The following NCMAP variants were observed in gnomAD, a reference collection of about 807,000 sequenced individuals.
NCMAP encodes noncompact myelin-associated protein.
Under a neutral mutation model 7.8 loss-of-function variants are expected in NCMAP, and 8 were observed. That is an observed-to-expected ratio of 1.02 (90% CI 0.60 to 1.84). The LOEUF (loss-of-function observed/expected upper bound fraction) is 1.84. NCMAP is among the 40% of genes most tolerant of loss of function. NCMAP has a pLI of 0.00. For missense variants in NCMAP, 112 were observed against 131.4 expected, an observed-to-expected ratio of 0.85 and a Z score of 0.72; for synonymous variants, 41 against 52.9, an observed-to-expected ratio of 0.78 and a Z score of 0.98.
At chr1:24,572,877 C>T (rs2148928254) in intron 1 of NCMAP, among the ~76,000 whole-genome samples, 1 of 150,898 alleles carries the variant, frequency 6.6e-6, no homozygotes, top group South Asian at 2.1e-4. Context: ...CCCAATCCTG[C>T]CCCAGTAGCT....
intron 1 of NCMAP, among the ~76,000 whole-genome samples, chr1:24,577,410 T>TG (rs763604635): frequency 0.047 from 6,627 of 140,384 alleles, 222 homozygotes; most frequent in East Asian, 0.14. Flanking sequence ...TGTTTTTTTT[T>TG]TTTTTTTTTT....
intron 2 of NCMAP, among the ~76,000 whole-genome samples, chr1:24,598,729 C>T (rs1386553631): frequency 6.6e-6 from 1 of 151,598 alleles, no homozygotes; most frequent in Non-Finnish European, 1.5e-5. Context: ...CCTCCACTTC[C>T]CGGGCTCAAG....
intron 1 of NCMAP, among the ~76,000 whole-genome samples, chr1:24,582,196 C>T (rs183070427): frequency 9.2e-5 from 14 of 152,286 alleles, no homozygotes; most frequent in Middle Eastern, 3.4e-3. Flanking sequence ...CTCAGTGCCT[C>T]CCGTGGTGCT....
At chr1:24,601,193 T>A (rs1652476516) in intron 3 of NCMAP, among the ~76,000 whole-genome samples, 169 bp downstream of exon 3, 2 of 152,186 alleles carry the variant, frequency 1.3e-5, no homozygotes, top group Admixed American at 1.3e-4. Context: ...GTTGAAGGAA[T>A]TTCAAAGTGA....
intron 3 of NCMAP, among the ~76,000 whole-genome samples, chr1:24,605,325 T>C (rs1047592187): frequency 1.3e-5 from 2 of 152,104 alleles, no homozygotes; most frequent in Admixed American, 1.3e-4. Flanking sequence ...ATGTAATATC[T>C]TTATTTTTAT....
At chr1:24,586,231 C>T (rs779362625) in intron 1 of NCMAP, among the ~76,000 whole-genome samples, 5 of 152,142 alleles carry the variant, frequency 3.3e-5, no homozygotes, top group Non-Finnish European at 5.9e-5. Flanking sequence ...TCATGAGCCC[C>T]GAGACAATGT....
chr1:24,575,535 A>T (rs6685202), intron 1 of NCMAP, among the ~76,000 whole-genome samples: 1,863 of 152,232 alleles, frequency 0.012, 51 homozygotes, highest in African/African-American at 0.043. Flanking sequence ...CAGAATCTGA[A>T]CCTAGGTCCA....
chr1:24,576,060 C>T lies in NCMAP; in HGVS notation c.-7-19364C>T, dbSNP rs1189000750. Among the ~76,000 whole-genome samples, 8 of 152,084 alleles carry T rather than the reference C, an allele frequency of 5.3e-5. No homozygotes were observed. The highest frequency in any genetic ancestry group is 1.2e-4 in the Non-Finnish European group (8 of 68,014). On this transcript the variant is annotated intron_variant, in intron 1 of 3. Coordinates refer to ENST00000374392, the MANE Select transcript of NCMAP (RefSeq NM_001010980.5). This position sits in a 1 kb window ranked among gnomAD's most constrained non-coding sequence, Gnocchi z 4.0. ...GATCCTCTCTGCACAGCCGCATTGC[C>T]CCGTCCAGAGCTTCTCCTGCCCTCC...
intron 3 of NCMAP, among the ~76,000 whole-genome samples, chr1:24,602,055 T>A (rs1397615436): frequency 1.4e-5 from 2 of 144,120 alleles, no homozygotes; most frequent in East Asian, 2.0e-4. Flanking sequence ...AAAAAAAAAA[T>A]CATATATATA....
chr1:24,560,419 T>C (rs1362803861), intron 1 of NCMAP, among the ~76,000 whole-genome samples: 1 of 152,178 alleles, frequency 6.6e-6, no homozygotes, highest in African/African-American at 2.4e-5. Context: ...TGGCCTTGCT[T>C]TGAAGTTTTC....
At chr1:24,585,328 C>T (rs971449370) in intron 1 of NCMAP, among the ~76,000 whole-genome samples, 11 of 152,146 alleles carry the variant, frequency 7.2e-5, no homozygotes, top group African/African-American at 2.2e-4. Flanking sequence ...CTTTCTTGTG[C>T]ACTGCTGTTG....
chr1:24,560,034 G>A (rs1469634193), intron 1 of NCMAP, among the ~76,000 whole-genome samples: 3 of 151,896 alleles, frequency 2.0e-5, no homozygotes, highest in Non-Finnish European at 2.9e-5. Flanking sequence ...GGTGGCGGGC[G>A]CCTGTGGTCC....
intron 3 of NCMAP, among the ~76,000 whole-genome samples, chr1:24,602,872 C>T (rs79864682): frequency 1.3e-5 from 2 of 151,714 alleles, no homozygotes; most frequent in Non-Finnish European, 2.9e-5. Flanking sequence ...AACCCCATCT[C>T]TACTGAAAAT....
At chr1:24,574,547 C>T (rs1182938029) in intron 1 of NCMAP, among the ~76,000 whole-genome samples, 3 of 152,150 alleles carry the variant, frequency 2.0e-5, no homozygotes, top group Admixed American at 6.6e-5. Context: ...GCAGCCTCCA[C>T]GATTGCATAA....
At chr1:24,601,975 A>G (rs1159633628) in intron 3 of NCMAP, among the ~76,000 whole-genome samples, 3 of 151,538 alleles carry the variant, frequency 2.0e-5, no homozygotes, top group East Asian at 1.9e-4. Flanking sequence ...TGGGAGGCGG[A>G]GCTTGCAGTG....
chr1:24,602,023 G>A (rs1018247023), intron 3 of NCMAP, among the ~76,000 whole-genome samples: 7 of 142,778 alleles, frequency 4.9e-5, no homozygotes, highest in Non-Finnish European at 9.1e-5. Flanking sequence ...GCTGGGTGAC[G>A]GAGCGAAACT....
In NCMAP at chr1:24,606,867, T is replaced by C. The variant is rs1652747857; in HGVS notation, c.*1120T>C. On this transcript the variant is annotated 3_prime_UTR_variant, in exon 4 of 4. Coordinates refer to ENST00000374392, the MANE Select transcript of NCMAP (RefSeq NM_001010980.5). Reference sequence around the variant, plus strand: ...TTTCCTAACCATGAAGTGGAAATGATAACACCTGCCTCATTGGGGCACTAT... The same window carrying C: ...TTTCCTAACCATGAAGTGGAAATGACAACACCTGCCTCATTGGGGCACTAT... 6.6e-6 allele frequency: 1 copy of C among 152,216 alleles called. No individual in the cohort carries two copies. The highest frequency in any genetic ancestry group is 2.1e-4 in the South Asian group (1 of 4,832). The allele number at this position is 152,216 out of a possible 1,614,324, so 9.4% of individuals were successfully genotyped here.
At chr1:24,560,250 C>CA (rs1249173100) in intron 1 of NCMAP, among the ~76,000 whole-genome samples, 1 of 151,944 alleles carries the variant, frequency 6.6e-6, no homozygotes, top group Non-Finnish European at 1.5e-5. Context: ...CAAACAACCT[C>CA]AGGATTTAAA....
intron 1 of NCMAP, among the ~76,000 whole-genome samples, chr1:24,593,096 T>C (rs891484984): frequency 6.6e-6 from 1 of 151,712 alleles, no homozygotes; most frequent in Non-Finnish European, 1.5e-5. Context: ...GAGAATCACT[T>C]GAACCCAGGA....
Sources: allele counts gnomAD v4.1 joint callset (sites outside exome capture counted in the v4.1 genomes callset), GRCh38; gene constraint gnomAD v4.1.1; non-coding constraint Gnocchi (gnomAD v3.1); transcripts MANE v1.5; gene names NCBI Gene and HGNC (gene_info 2026-07-23, HGNC 2026-07-21).